Variants in POLDIP3 observed in about 807,000 individuals in gnomAD.
POLDIP3 encodes DNA polymerase delta interacting protein 3.
Under a neutral mutation model 45.1 loss-of-function variants are expected in POLDIP3, and 14 were observed. That is an observed-to-expected ratio of 0.31 (90% CI 0.20 to 0.49). POLDIP3 has a LOEUF of 0.49. Among genes scored for constraint, POLDIP3 ranks in the 20% least tolerant of loss-of-function variants. POLDIP3 has a pLI of 0.99. For synonymous variants in POLDIP3, 223 were observed against 205.2 expected (o/e 1.09, Z -0.74); for missense variants, 511 against 538.8 (o/e 0.95, Z 0.51).
chr22:42,598,760 C>A (rs977630299), intron 4 of POLDIP3, among the ~76,000 whole-genome samples: 6 of 152,200 alleles, frequency 3.9e-5, no homozygotes, highest in African/African-American at 1.4e-4. Context: ...CTTTGAGCGT[C>A]TGAAGGAAAA....
chr22:42,613,138 GAGA>G (rs1307485419), intron 1 of POLDIP3, among the ~76,000 whole-genome samples: 2 of 152,204 alleles, frequency 1.3e-5, no homozygotes, highest in South Asian at 2.1e-4. Flanking sequence ...ACCTCAGAGA[GAGA>G]AGAACCTGGG....
At chr22:42,613,096 C>T (rs1306795989) in intron 1 of POLDIP3, among the ~76,000 whole-genome samples, 1 of 152,168 alleles carries the variant, frequency 6.6e-6, no homozygotes, top group Admixed American at 6.6e-5. Context: ...GACTACAGTG[C>T]AGTCCACCTG....
intron 7 of POLDIP3, among the ~76,000 whole-genome samples, chr22:42,588,414 G>A (rs988613595): frequency 8.9e-5 from 13 of 145,310 alleles, no homozygotes; most frequent in Non-Finnish European, 1.9e-4. Context: ...GAGACCACAT[G>A]CCACTGCACT....
intron 1 of POLDIP3, among the ~76,000 whole-genome samples, chr22:42,613,651 C>T (rs189586511): frequency 3.1e-4 from 47 of 152,212 alleles, no homozygotes; most frequent in African/African-American, 1.1e-3. Flanking sequence ...GTCCCTGCTA[C>T]TTGGGAGGCT....
Position 42,584,372 on chromosome 22 carries a change from C to T in POLDIP3, c.*1419G>A, listed in dbSNP as rs1925160955. 6.3e-6 allele frequency: 1 copy of T among 159,108 alleles called. No individual in the cohort carries two copies. The highest frequency in any genetic ancestry group is 1.4e-5 in the Non-Finnish European group (1 of 71,878). The allele number at this position is 159,108 out of a possible 1,614,324, so 9.9% of individuals were successfully genotyped here. A position where few individuals can be genotyped will look rare whatever the true frequency, so the allele number is the denominator to read the frequency against. On this transcript the variant is annotated 3_prime_UTR_variant, in exon 9 of 9. Transcript: ENST00000252115. ...GGTTCAAATCCTGGGTCCTTCCTGC[C>T]TGACAGACTGACCCCTGGAAACATG...
rs564155924 is a variant in POLDIP3, at chr22:42,603,145, C to T, written c.75G>A (p.Pro25=). Residue 25 remains proline (P), a synonymous_variant, in exon 2 of 9, where the codon CCG becomes CCA. Transcript: ENST00000252115. The part of the protein sequence containing the change: ...AAAKGRLNAR[P]GVGGVRSRVG... ...CTCGAGATCGGACACCTCCAACTCC[C>T]GGTCTGGCATTAAGCCTGTAAATAT... 2.4e-5 allele frequency: 39 copies of T among 1,613,932 alleles called. No individual in the cohort carries two copies. Among genetic ancestry groups the T allele is most frequent in the South Asian group, 2.1e-4 (19 of 91,074 alleles).
rs969872454 is a variant in POLDIP3, at chr22:42,584,046, G to A, written c.*1745C>T. On this transcript the variant is annotated 3_prime_UTR_variant, in exon 9 of 9. Transcript: ENST00000252115. ...ATACCTGCTTTGGGATGAGAGGGAGGATAAAGCCATGCAGGGAGGATATTT... is the reference window on the plus strand; with the variant it reads ...ATACCTGCTTTGGGATGAGAGGGAGAATAAAGCCATGCAGGGAGGATATTT... The A allele has an allele frequency of 1.3e-5, 2 of 152,468 alleles. No homozygotes were observed. Among genetic ancestry groups the A allele is most frequent in the Admixed American group, 6.6e-5 (1 of 15,260 alleles). 9.4% of individuals were successfully genotyped at this position (152,468 alleles called of 1,614,324 possible). A position where few individuals can be genotyped will look rare whatever the true frequency, so the allele number is the denominator to read the frequency against.
At chr22:42,598,246 GAT>G (rs1491557395) in intron 4 of POLDIP3, among the ~76,000 whole-genome samples, 4 of 135,850 alleles carry the variant, frequency 2.9e-5, no homozygotes, top group Non-Finnish European at 6.2e-5. Context: ...CCACACCCCG[GAT>G]ATTTTTTTTT....
intron 2 of POLDIP3, 176 bp from the exon 3 acceptor site, chr22:42,602,232 A>G (rs557415216): frequency 3.9e-6 from 4 of 1,033,376 alleles, no homozygotes; most frequent in Non-Finnish European, 5.5e-6. Context: ...CAATCCAGAG[A>G]CCATGCCGGT....
Position 42,586,047 on chromosome 22 carries a change from T to A in POLDIP3, c.1089-79A>T. 2.2e-6 allele frequency: 3 copies of A among 1,377,556 alleles called. No homozygotes were observed. The East Asian group carries it at 7.5e-5, about 34-fold the overall frequency. 85.3% of individuals were successfully genotyped at this position (1,377,556 alleles called of 1,614,324 possible). A position where few individuals can be genotyped will look rare whatever the true frequency, so the allele number is the denominator to read the frequency against. On this transcript the variant is annotated intron_variant, in intron 8 of 8. Transcript: ENST00000252115. ...GAGGGGACCCACCATTTACTGGGCA[T>A]CTGTCATGAGCTAGGCACTGGGTGT...
intron 5 of POLDIP3, among the ~76,000 whole-genome samples, chr22:42,595,936 A>G (rs1925956139): frequency 6.6e-6 from 1 of 152,216 alleles, no homozygotes; most frequent in Non-Finnish European, 1.5e-5. Flanking sequence ...ATCTGTCCTC[A>G]GCCCTCCTAA....
At chr22:42,590,901 A>C (rs975689705) in intron 7 of POLDIP3, among the ~76,000 whole-genome samples, 5 of 151,994 alleles carry the variant, frequency 3.3e-5, no homozygotes, top group East Asian at 3.9e-4. Context: ...GTGAAACCCT[A>C]TCTCTACTAA....
chr22:42,607,706 G>T (rs973151421), intron 1 of POLDIP3, among the ~76,000 whole-genome samples: 22 of 150,714 alleles, frequency 1.5e-4, no homozygotes, highest in African/African-American at 5.1e-4. Flanking sequence ...TGTGGGGAGA[G>T]CCTCTGCCCC....
chr22:42,608,002 C>T (rs886188984), intron 1 of POLDIP3, among the ~76,000 whole-genome samples: 1 of 150,676 alleles, frequency 6.6e-6, no homozygotes, highest in Non-Finnish European at 1.5e-5. Flanking sequence ...ACCCAGCCAC[C>T]ACCCCGTCTG....
In POLDIP3 at chr22:42,614,805, T is replaced by C; in HGVS notation, c.53A>G (p.Lys18Arg). The C allele has an allele frequency of 6.2e-7, 1 of 1,614,036 alleles. No homozygotes were observed. The highest frequency in any genetic ancestry group is 8.5e-7 in the Non-Finnish European group (1 of 1,179,940). The change falls in exon 1 of 9, where the codon AAA becomes AGA. Residue 18 changes from lysine (K) to arginine (R), a missense_variant. Physicochemically the swap from Lys to Arg is conservative, Grantham distance 26. This residue lies in a region of POLDIP3 where 378 missense variants were observed against 352.3 expected (regional missense o/e 1.07). Transcript: ENST00000252115. ...GAAAGGAAAGGCCTCTCACCGTCCT[T>C]TCGCCGCCGCCCCGCGCTTCCTGAT... ...ELIRKRGAAA[K>R]GRLNARPGVG...
chr22:42,597,097 T>C (rs1264923200), intron 4 of POLDIP3, among the ~76,000 whole-genome samples: 1 of 152,170 alleles, frequency 6.6e-6, no homozygotes. Context: ...CTTGGCCTCA[T>C]CAGCTCCGAC....
chr22:42,603,877 A>T (rs146586402), intron 1 of POLDIP3, among the ~76,000 whole-genome samples: 2 of 152,322 alleles, frequency 1.3e-5, no homozygotes, highest in East Asian at 3.8e-4. Flanking sequence ...CCTAATCCTC[A>T]CCAGTATGCA....
At chr22:42,597,664 G>C in intron 4 of POLDIP3, 2 of 467,710 alleles carry the variant, frequency 4.3e-6, no homozygotes, top group Admixed American at 4.8e-5. Flanking sequence ...AATAGGGATA[G>C]AGACTCACTG....
chr22:42,614,693 G>T, intron 1 of POLDIP3, 106 bp downstream of exon 1: 1 of 1,274,050 alleles, frequency 7.8e-7, no homozygotes, highest in African/African-American at 1.5e-5. Context: ...GTGGTCGGGG[G>T]CGGGCGCACC....
Sources: allele counts gnomAD v4.1 joint callset (sites outside exome capture counted in the v4.1 genomes callset), GRCh38; gene constraint gnomAD v4.1.1; regional missense constraint gnomAD v4.1.1; transcripts MANE v1.5; gene names NCBI Gene and HGNC (gene_info 2026-07-23, HGNC 2026-07-21).